Variants in MCC observed in about 807,000 individuals in gnomAD.
The protein encoded by MCC is colorectal mutant cancer protein.
A neutral mutation model predicts 116.2 loss-of-function variants in MCC; 90 were observed. The observed-to-expected ratio is 0.77, with a 90% CI of 0.65 to 0.92. The LOEUF (loss-of-function observed/expected upper bound fraction) is 0.92, where lower values mean the gene tolerates loss of function less well. MCC is among the 40% of genes least tolerant of loss of function. MCC has a pLI of 0.00. For synonymous variants in MCC, 578 were observed against 510.5 expected, an observed-to-expected ratio of 1.13 and a Z score of -1.78; for missense variants, 1,516 against 1,312.2, an observed-to-expected ratio of 1.16 and a Z score of -2.40.
At chr5:113,297,319 A>G (rs760903545) in intron 3 of MCC, among the ~76,000 whole-genome samples, 3 of 152,094 alleles carry the variant, frequency 2.0e-5, no homozygotes, top group Non-Finnish European at 4.4e-5. Flanking sequence ...CCTAGCCAAC[A>G]TGGTAAAACC....
intron 14 of MCC, among the ~76,000 whole-genome samples, chr5:113,063,345 T>G (rs1237058993): frequency 1.3e-5 from 2 of 152,218 alleles, no homozygotes; most frequent in Non-Finnish European, 2.9e-5. Flanking sequence ...CTCTGCAAGG[T>G]CTTCGCCGCT....
At chr5:113,154,470 G>C (rs572794919) in intron 3 of MCC, among the ~76,000 whole-genome samples, 4 of 152,340 alleles carry the variant, frequency 2.6e-5, no homozygotes, top group African/African-American at 9.6e-5. Context: ...GAGTAGGTGA[G>C]GAGAGGAGTG....
intron 3 of MCC, among the ~76,000 whole-genome samples, chr5:113,166,488 C>A (rs6871346): frequency 0.084 from 12,843 of 152,102 alleles, 1,111 homozygotes; most frequent in African/African-American, 0.22. Context: ...GTGAGGTCAA[C>A]ATTCTGAAAT....
chr5:113,073,209 G>A (rs1008123979), intron 11 of MCC, among the ~76,000 whole-genome samples: 2 of 152,080 alleles, frequency 1.3e-5, no homozygotes, highest in Non-Finnish European at 2.9e-5. Flanking sequence ...CTAGACCCCT[G>A]AGGATCTTTT....
At chr5:113,315,643 G>A (rs1385682898) in intron 3 of MCC, among the ~76,000 whole-genome samples, 1 of 147,904 alleles carries the variant, frequency 6.8e-6, no homozygotes, top group Non-Finnish European at 1.5e-5. Context: ...TGAAGGAGGA[G>A]GATTGCTTGA....
chr5:113,088,894 C>T (rs893548854), intron 8 of MCC, among the ~76,000 whole-genome samples: 1 of 152,048 alleles, frequency 6.6e-6, no homozygotes, highest in East Asian at 1.9e-4. Context: ...AGAGATTTTC[C>T]CGTTTTAGCC....
chr5:113,074,197 C>T (rs1220957429), intron 11 of MCC, among the ~76,000 whole-genome samples: 1 of 152,222 alleles, frequency 6.6e-6, no homozygotes, highest in African/African-American at 2.4e-5. Context: ...GAGGAAGGAT[C>T]AGGCAGCAAC....
At chr5:113,417,765 C>T (rs1186617764) in intron 1 of MCC, among the ~76,000 whole-genome samples, 1 of 151,832 alleles carries the variant, frequency 6.6e-6, no homozygotes, top group African/African-American at 2.4e-5. Flanking sequence ...CCTGTCTCTA[C>T]AAAAAATACA....
At position 113,267,777 on chromosome 5, in the gene MCC, C is replaced by T. The variant is rs922502183; in HGVS notation, c.627+72742G>A. Among the ~76,000 whole-genome samples the T allele has an allele frequency of 5.3e-5, 8 of 152,046 alleles. No homozygotes were observed. The South Asian group carries it at 1.0e-3, about 20-fold the overall frequency. The stretch of plus-strand genomic sequence containing the variant: ...TTGGGAGTAATGAAAATGTTTTAAA[C>T]GTAGTAATGGTTGCACAGTCCTGGG... On this transcript the variant is annotated intron_variant, in intron 3 of 18. Coordinates refer to ENST00000408903, the MANE Select transcript of MCC (RefSeq NM_001085377.2).
At chr5:113,349,124 T>G (rs1365714150) in intron 2 of MCC, among the ~76,000 whole-genome samples, 2 of 151,854 alleles carry the variant, frequency 1.3e-5, no homozygotes, top group African/African-American at 4.8e-5. Flanking sequence ...TACCAAACAT[T>G]TAAAGAACTA....
intron 12 of MCC, 127 bp from the exon 13 acceptor site, chr5:113,068,310 A>G (rs1753768623): frequency 3.0e-6 from 2 of 671,668 alleles, no homozygotes; most frequent in Admixed American, 4.5e-5. Context: ...AGGCAAGGAA[A>G]CCACCCATGA....
Position 113,151,296 on chromosome 5 carries a change from C to G in MCC, c.741+13G>C. On this transcript the variant is annotated intron_variant, in intron 4 of 18. Coordinates refer to ENST00000408903, the MANE Select transcript of MCC (RefSeq NM_001085377.2). ...AAACAAAAGCAAACTAAAAACCTTT[C>G]CAGATCCCTTACCTGTGCCTTGGCC... 4 of 1,538,730 alleles carry G rather than the reference C, an allele frequency of 2.6e-6. No homozygotes were observed. Among genetic ancestry groups the G allele is most frequent in the East Asian group, 2.2e-5 (1 of 44,458 alleles).
chr5:113,398,496 C>A (rs1386975660), intron 1 of MCC, among the ~76,000 whole-genome samples: 1 of 152,142 alleles, frequency 6.6e-6, no homozygotes, highest in Non-Finnish European at 1.5e-5. Flanking sequence ...TACCATGCAG[C>A]CATAAAACAG....
rs1750372397 is a variant in MCC at position 113,024,260 on chromosome 5, T to C, written c.*3042A>G. ...AACATAACATTTGTTTCAGGCAGCA[T>C]GGATATTAACTTCAGAACGCTGACA... On this transcript the variant is annotated 3_prime_UTR_variant, in exon 19 of 19. Coordinates refer to ENST00000408903, the MANE Select transcript of MCC (RefSeq NM_001085377.2). 6.6e-6 allele frequency: 1 copy of C among 152,220 alleles called. No homozygotes were observed. The highest frequency in any genetic ancestry group is 2.4e-5 in the African/African-American group (1 of 41,460). 9.4% of individuals were successfully genotyped at this position (152,220 alleles called of 1,614,324 possible).
intron 3 of MCC, among the ~76,000 whole-genome samples, chr5:113,236,776 C>T (rs1764148606): frequency 6.6e-6 from 1 of 152,104 alleles, no homozygotes; most frequent in Non-Finnish European, 1.5e-5. Context: ...TAAGGCCCCT[C>T]CCTCCCTCCT....
intron 11 of MCC, among the ~76,000 whole-genome samples, chr5:113,072,967 C>T (rs1245374829): frequency 6.6e-6 from 1 of 152,200 alleles, no homozygotes; most frequent in Non-Finnish European, 1.5e-5. Flanking sequence ...TCAGTAAATG[C>T]CACCACCGTC....
At chr5:113,226,800 A>G (rs1763759180) in intron 3 of MCC, among the ~76,000 whole-genome samples, 1 of 152,190 alleles carries the variant, frequency 6.6e-6, no homozygotes, top group African/African-American at 2.4e-5. Context: ...TATCTGTGGT[A>G]TTATTTATCA....
At chr5:113,386,588 A>C (rs182946976) in intron 1 of MCC, among the ~76,000 whole-genome samples, 12 of 152,202 alleles carry the variant, frequency 7.9e-5, no homozygotes, top group African/African-American at 2.7e-4. Context: ...ATAAATGTAA[A>C]AGACTCCAAG....
intron 8 of MCC, among the ~76,000 whole-genome samples, chr5:113,093,460 T>C (rs1357591860): frequency 6.7e-6 from 1 of 149,484 alleles, no homozygotes; most frequent in African/African-American, 2.5e-5. Context: ...CTTATCTATC[T>C]ATCTGTTGAT....
Sources: allele counts gnomAD v4.1 joint callset (sites outside exome capture counted in the v4.1 genomes callset), GRCh38; gene constraint gnomAD v4.1.1; transcripts MANE v1.5; gene names NCBI Gene and HGNC (gene_info 2026-07-23, HGNC 2026-07-21).